The following HNRNPU variants were observed in gnomAD, a reference collection of about 807,000 sequenced individuals.
HNRNPU encodes the protein heterogeneous nuclear ribonucleoprotein U.
HNRNPU carries 5 observed loss-of-function variants against 94.7 expected under a neutral mutation model. That is an observed-to-expected ratio of 0.05 (90% CI 0.03 to 0.11). The LOEUF (loss-of-function observed/expected upper bound fraction) is 0.11, where lower values mean the gene tolerates loss of function less well. Among genes scored for constraint, HNRNPU ranks in the 10% least tolerant of loss-of-function variants. HNRNPU has a pLI of 1.00. For missense variants in HNRNPU, 710 were observed against 1,049.2 expected (o/e 0.68, Z 4.47); for synonymous variants, 434 against 381.6 (o/e 1.14, Z -1.60).
Position 244,862,544 on chromosome 1 carries a change from A to G in HNRNPU, c.804-10T>C. The G allele has an allele frequency of 2.5e-6, 4 of 1,613,392 alleles. No individual in the cohort carries two copies. Among genetic ancestry groups the G allele is most frequent in the Non-Finnish European group, 3.4e-6 (4 of 1,179,284 alleles). On this transcript the variant is annotated splice_polypyrimidine_tract_variant and intron_variant, in intron 2 of 13. Coordinates refer to ENST00000640218, the MANE Select transcript of HNRNPU (RefSeq NM_031844.3). ...CTGAGGAGATTTGGCTCTGAAAGAC[A>G]GAATTGTCTCCTGATACAGCTTTCC...
In HNRNPU at chr1:244,852,837, T is replaced by C. The variant is rs1680583322; in HGVS notation, c.*1613A>G. ...CAACCTAAAAACACCAAGGAAACGC[T>C]AGACTGAAGTCAAATTTTAGTTCTA... On this transcript the variant is annotated 3_prime_UTR_variant, in exon 14 of 14. Coordinates refer to ENST00000640218, the MANE Select transcript of HNRNPU (RefSeq NM_031844.3). The C allele has an allele frequency of 6.6e-6, 1 of 152,610 alleles. No individual in the cohort carries two copies. Among genetic ancestry groups the C allele is most frequent in the Non-Finnish European group, 1.5e-5 (1 of 68,010 alleles). 9.5% of individuals were successfully genotyped at this position (152,610 alleles called of 1,614,324 possible). A position where few individuals can be genotyped will look rare whatever the true frequency, so the allele number is the denominator to read the frequency against.
At chr1:244,861,859 T>A (rs530873628) in intron 3 of HNRNPU, 1 of 152,450 alleles carries the variant, frequency 6.6e-6, no homozygotes, top group South Asian at 2.1e-4. Context: ...AGTGCTGCAC[T>A]GCCATTGATA....
chr1:244,863,105 C>CCCCCG lies in HNRNPU; in HGVS notation c.692-380_692-376dup, dbSNP rs546237787. Reference sequence around the variant, plus strand: ...CGGCCGCATTGTACTGATCTTCCGCCCCCCGCCCCGCCCCGCCCGGCTCCT... The same window carrying CCCCCG: ...CGGCCGCATTGTACTGATCTTCCGCCCCCCGCCCCGCCCCGCCCCGCCCGGCTCCT... On this transcript the variant is annotated intron_variant, in intron 1 of 13. Coordinates refer to ENST00000640218, the MANE Select transcript of HNRNPU (RefSeq NM_031844.3). 203 of 192,818 alleles carry CCCCCG rather than the reference C, an allele frequency of 1.1e-3. 1 individual carries two copies. The highest frequency in any genetic ancestry group is 3.8e-3 in the African/African-American group (161 of 42,504). The allele number at this position is 192,818 out of a possible 1,614,324, so 11.9% of individuals were successfully genotyped here.
chr1:244,863,243 A>G, intron 1 of HNRNPU: 1 of 171,284 alleles, frequency 5.8e-6, no homozygotes, highest in Non-Finnish European at 1.2e-5. Context: ...TCCCCCCGAG[A>G]CATGTGCCCG....
At chr1:244,859,169 T>C (rs1305850872) in intron 5 of HNRNPU, 106 bp downstream of exon 5, 1 of 647,360 alleles carries the variant, frequency 1.5e-6, no homozygotes, top group East Asian at 2.6e-5. Flanking sequence ...ATTAACAGAA[T>C]AGATAAAAAC....
Position 244,863,554 on chromosome 1 carries a change from TG to T in HNRNPU, c.691+62del, listed in dbSNP as rs565200147. On this transcript the variant is annotated intron_variant, in intron 1 of 13. Coordinates refer to ENST00000640218, the MANE Select transcript of HNRNPU (RefSeq NM_031844.3). The stretch of plus-strand genomic sequence containing the variant: ...TCCCCCTGCGGGGCTCCGGCAGGCC[TG>T]GGGCACGGTCCCCACCCCGCGCGGG... The T allele has an allele frequency of 2.0e-3, 2,509 of 1,285,520 alleles. 32 individuals carry two copies. The African/African-American group carries it at 0.026, about 13-fold the overall frequency. 79.6% of individuals were successfully genotyped at this position (1,285,520 alleles called of 1,614,324 possible).
In HNRNPU at chr1:244,852,901, G is replaced by A. The variant is rs1472873642; in HGVS notation, c.*1549C>T. 3 of 152,530 alleles carry A rather than the reference G, an allele frequency of 2.0e-5. No individual in the cohort carries two copies. Among genetic ancestry groups the A allele is most frequent in the Non-Finnish European group, 4.4e-5 (3 of 67,996 alleles). 9.4% of individuals were successfully genotyped at this position (152,530 alleles called of 1,614,324 possible). ...GATTCCTCACTTCACATTGGTGAGGGGAAGATTAAAGTGTTCTGTGCAAAC... is the reference window on the plus strand; with the variant it reads ...GATTCCTCACTTCACATTGGTGAGGAGAAGATTAAAGTGTTCTGTGCAAAC... On this transcript the variant is annotated 3_prime_UTR_variant, in exon 14 of 14. Transcript: ENST00000640218.
intron 13 of HNRNPU, 28 bp downstream of exon 13, chr1:244,854,945 T>G (rs1573328636): frequency 6.6e-6 from 10 of 1,518,086 alleles, no homozygotes; most frequent in African/African-American, 5.5e-5. Flanking sequence ...ACAATTAATG[T>G]ACATAAAGCA....
rs1680514826 is a variant in HNRNPU, at chr1:244,850,517, TAA to T, written c.*3931_*3932del. 3 of 126,024 alleles carry T rather than the reference TAA, an allele frequency of 2.4e-5. No individual in the cohort carries two copies. The highest frequency in any genetic ancestry group is 8.6e-5 in the African/African-American group (3 of 34,830). The allele number at this position is 126,024 out of a possible 1,614,324, so 7.8% of individuals were successfully genotyped here. On this transcript the variant is annotated 3_prime_UTR_variant, in exon 14 of 14. Transcript: ENST00000640218. ...AGCTTTAATAAAGGCACTGCAGCGT[TAA>T]CTAAGTTTTAGGGTAAATTTAGGCA...
Position 244,864,342 on chromosome 1 carries a change from C to T in HNRNPU, c.-35G>A, listed in dbSNP as rs763109555. ...CCCGATTCACCGCTAGGCGCTGCCT[C>T]AAACTCGGCTCCGCTCACTCGGCCA... On this transcript the variant is annotated 5_prime_UTR_variant, in exon 1 of 14. Transcript: ENST00000640218. 2 of 1,604,974 alleles carry T rather than the reference C, an allele frequency of 1.2e-6. No individual in the cohort carries two copies. The highest frequency in any genetic ancestry group is 1.1e-5 in the South Asian group (1 of 89,898).
In HNRNPU at chr1:244,864,074, G is replaced by A. The variant is rs770482398; in HGVS notation, c.234C>T (p.Ala78=). The stretch of plus-strand genomic sequence containing the variant: ...CCTCCTCTTCATCGCCGCCGGCCGC[G>A]GCCTCCTGCTCGAGGCCTGCTCCCG... The part of the protein sequence containing the change: ...GRSGAGLEQE[A]AAGGDEEEEE... The change falls in exon 1 of 14, where the codon GCC becomes GCT. Residue 78 remains alanine, a synonymous_variant. Transcript: ENST00000640218. The A allele has an allele frequency of 1.2e-5, 20 of 1,601,216 alleles. No individual in the cohort carries two copies. The highest frequency in any genetic ancestry group is 1.3e-5 in the African/African-American group (1 of 74,524).
At chr1:244,855,280 T>C in intron 12 of HNRNPU, 144 bp downstream of exon 12, 2 of 844,326 alleles carry the variant, frequency 2.4e-6, no homozygotes, top group Non-Finnish European at 3.8e-6. Flanking sequence ...AGTAGACTCA[T>C]TTCACCATTA....
At chr1:244,862,901 G>C (rs920026239) in intron 1 of HNRNPU, 171 bp from the exon 2 acceptor site, 1 of 642,622 alleles carries the variant, frequency 1.6e-6, no homozygotes, top group Non-Finnish European at 2.8e-6. Flanking sequence ...ATTGGCGCTA[G>C]TGACGCAGTC....
Position 244,850,329 on chromosome 1 carries a change from T to C in HNRNPU, c.*4121A>G, listed in dbSNP as rs920441634. ...GACAAAGTACTTTTAATGCTTATTTTACAAATATGTACCTGTGGTGCTAAT... is the reference window on the plus strand; with the variant it reads ...GACAAAGTACTTTTAATGCTTATTTCACAAATATGTACCTGTGGTGCTAAT... On this transcript the variant is annotated 3_prime_UTR_variant, in exon 14 of 14. Transcript: ENST00000640218. 1 of 152,180 alleles carries C rather than the reference T, an allele frequency of 6.6e-6. No individual in the cohort carries two copies. Among genetic ancestry groups the C allele is most frequent in the African/African-American group, 2.4e-5 (1 of 41,444 alleles). The allele number at this position is 152,180 out of a possible 1,614,324, so 9.4% of individuals were successfully genotyped here.
Position 244,851,687 on chromosome 1 carries a change from CTT to C in HNRNPU, c.*2761_*2762del, listed in dbSNP as rs1573325963. 2.6e-5 allele frequency: 4 copies of C among 152,130 alleles called. No homozygotes were observed. The highest frequency in any genetic ancestry group is 4.8e-5 in the African/African-American group (2 of 41,420). The allele number at this position is 152,130 out of a possible 1,614,324, so 9.4% of individuals were successfully genotyped here. A position where few individuals can be genotyped will look rare whatever the true frequency, so the allele number is the denominator to read the frequency against. ...GTTTTTATGTATTTAAGAGTTTCCT[CTT>C]GTCATTTCAATGTCAAATTGATTTG... On this transcript the variant is annotated 3_prime_UTR_variant, in exon 14 of 14. Coordinates refer to ENST00000640218, the MANE Select transcript of HNRNPU (RefSeq NM_031844.3).
intron 4 of HNRNPU, 149 bp downstream of exon 4, chr1:244,860,186 G>T: frequency 1.7e-6 from 1 of 602,012 alleles, no homozygotes; most frequent in Non-Finnish European, 2.9e-6. Context: ...TCTAGTCCGA[G>T]CTACTTGAGA....
At chr1:244,857,811 T>C in intron 7 of HNRNPU, 94 bp from the exon 8 acceptor site, 2 of 1,479,370 alleles carry the variant, frequency 1.4e-6, no homozygotes, top group Non-Finnish European at 1.8e-6. Flanking sequence ...TATCTAAGTT[T>C]TCATAGCCCT....
intron 3 of HNRNPU, 63 bp from the exon 4 acceptor site, chr1:244,860,537 A>G (rs757655148): frequency 1.5e-5 from 20 of 1,347,216 alleles, no homozygotes; most frequent in Non-Finnish European, 1.8e-5. Context: ...TGCTATGTAG[A>G]CAAAACTTGG....
chr1:244,854,356 G>C lies in HNRNPU; in HGVS notation c.*94C>G. On this transcript the variant is annotated 3_prime_UTR_variant, in exon 14 of 14. Coordinates refer to ENST00000640218, the MANE Select transcript of HNRNPU (RefSeq NM_031844.3). ...AAGGAACCCGCAGGCACTTCCTCTT[G>C]TGGAATGTTTAAAAAGTTAGCCTAC... 2.3e-6 allele frequency: 2 copies of C among 855,438 alleles called. No individual in the cohort carries two copies. Among genetic ancestry groups the C allele is most frequent in the South Asian group, 2.8e-5 (2 of 70,730 alleles). The allele number at this position is 855,438 out of a possible 1,614,324, so 53.0% of individuals were successfully genotyped here.
Sources: gnomAD v4.1 joint callset for allele counts on GRCh38, gnomAD v4.1.1 for gene constraint, MANE v1.5 for transcripts, NCBI Gene and HGNC (gene_info 2026-07-23, HGNC 2026-07-21) for gene names.